The following PPP1CB variants were observed in gnomAD, a reference collection of about 807,000 sequenced individuals.
PPP1CB encodes serine/threonine-protein phosphatase PP1-beta catalytic subunit.
Under a neutral mutation model 43.7 loss-of-function variants are expected in PPP1CB, and 2 were observed. The ratio of observed to expected loss-of-function variants is 0.05; its 90% CI spans 0.02 to 0.14. The LOEUF is 0.14. Ranked by LOEUF, PPP1CB falls within the 10% of genes least tolerant of loss-of-function variation. The pLI is 1.00. For missense variants in PPP1CB, 84 were observed against 398.0 expected (o/e 0.21, Z 6.71); for synonymous variants, 136 against 135.6 (o/e 1.00, Z -0.02).
Position 28,783,842 on chromosome 2 carries a change from T to G in PPP1CB, c.521-65T>G, listed in dbSNP as rs796816444. 8.4e-6 allele frequency: 9 copies of G among 1,065,846 alleles called. No homozygotes were observed. In the African/African-American group the frequency reaches 9.5e-5, roughly 11 times the overall value. 66.0% of individuals were successfully genotyped at this position (1,065,846 alleles called of 1,614,324 possible). ...TCTATTTTGATTAAATGCTTTTTAT[T>G]CGGTGACTGTTAAAATATTAAAATT... is the stretch of plus-strand genomic sequence containing the variant. On this transcript the variant is annotated intron_variant, in intron 4 of 7. Coordinates refer to ENST00000395366, the MANE Select transcript of PPP1CB (RefSeq NM_002709.3).
chr2:28,776,648 T>C (rs1667050875), intron 1 of PPP1CB, among the ~76,000 whole-genome samples: 2 of 152,134 alleles, frequency 1.3e-5, no homozygotes, highest in South Asian at 4.1e-4. Flanking sequence ...AACAGCAGAC[T>C]TGAGGAGCAT....
intron 6 of PPP1CB, among the ~76,000 whole-genome samples, chr2:28,792,248 G>A (rs187219246): frequency 3.3e-5 from 5 of 152,048 alleles, no homozygotes; most frequent in Non-Finnish European, 5.9e-5. Flanking sequence ...GCTGAGGCAG[G>A]AGAATCGCTT....
At chr2:28,783,831 A>G (rs1667207068) in intron 4 of PPP1CB, 76 bp from the exon 5 acceptor site, 1 of 980,198 alleles carries the variant, frequency 1.0e-6, no homozygotes, top group Non-Finnish European at 1.6e-6. Context: ...TTTTGATTAA[A>G]TGCTTTTTAT....
chr2:28,786,108 A>G (rs1198251348), intron 5 of PPP1CB, among the ~76,000 whole-genome samples: 4 of 152,116 alleles, frequency 2.6e-5, no homozygotes, highest in African/African-American at 9.7e-5. Flanking sequence ...TAAACAATAA[A>G]TCTTGACTCT....
At chr2:28,752,486 G>A (rs1173541676) in intron 1 of PPP1CB, among the ~76,000 whole-genome samples, 2 of 152,324 alleles carry the variant, frequency 1.3e-5, no homozygotes, top group African/African-American at 4.8e-5. Flanking sequence ...AAGGCCGCCG[G>A]GCTCCGCGCG....
At chr2:28,764,313 A>C (rs2148459539) in intron 1 of PPP1CB, among the ~76,000 whole-genome samples, 1 of 151,990 alleles carries the variant, frequency 6.6e-6, no homozygotes, top group South Asian at 2.1e-4. Flanking sequence ...ACAAAAAATT[A>C]GCTGGGCATA....
intron 7 of PPP1CB, among the ~76,000 whole-genome samples, chr2:28,794,364 A>G (rs1013480091): frequency 1.7e-4 from 26 of 152,164 alleles, no homozygotes; most frequent in African/African-American, 6.3e-4. Context: ...AGACACTGGG[A>G]AAAGAATTAC....
intron 2 of PPP1CB, 48 bp from the exon 3 acceptor site, chr2:28,778,761 C>T: frequency 8.2e-7 from 1 of 1,223,554 alleles, no homozygotes; most frequent in South Asian, 1.2e-5. Context: ...ATAGAAGCTG[C>T]TTATAACAGT....
At chr2:28,753,184 C>A (rs1011639379) in intron 1 of PPP1CB, among the ~76,000 whole-genome samples, 3 of 146,252 alleles carry the variant, frequency 2.1e-5, no homozygotes, top group East Asian at 2.0e-4. Context: ...TGTAGAAAAG[C>A]CTTTAATCCT....
chr2:28,770,539 G>A (rs1209513072), intron 1 of PPP1CB, among the ~76,000 whole-genome samples: 1 of 151,906 alleles, frequency 6.6e-6, no homozygotes, highest in Non-Finnish European at 1.5e-5. Flanking sequence ...TAAATTTAAT[G>A]GAAAAATATC....
intron 7 of PPP1CB, among the ~76,000 whole-genome samples, chr2:28,798,828 G>A (rs1667549175): frequency 6.6e-6 from 1 of 151,936 alleles, no homozygotes; most frequent in South Asian, 2.1e-4. Flanking sequence ...AGGTCTGAAG[G>A]GTTTGTGACT....
intron 2 of PPP1CB, chr2:28,778,208 A>G (rs1667080993): frequency 5.5e-6 from 2 of 363,630 alleles, no homozygotes; most frequent in East Asian, 7.3e-5. Context: ...ATTTGTCTCC[A>G]TATTTGGTGT....
At chr2:28,798,270 A>G (rs1341643175) in intron 7 of PPP1CB, among the ~76,000 whole-genome samples, 1 of 152,126 alleles carries the variant, frequency 6.6e-6, no homozygotes, top group Admixed American at 6.6e-5. Context: ...AAGTTTTGGC[A>G]AGGATTTGGA....
At chr2:28,767,102 G>A (rs951706377) in intron 1 of PPP1CB, among the ~76,000 whole-genome samples, 4 of 151,290 alleles carry the variant, frequency 2.6e-5, no homozygotes, top group African/African-American at 9.7e-5. Context: ...AAAGTTTATT[G>A]TCTCAAAAAA....
chr2:28,751,803 G>C (rs1314292044), upstream of PPP1CB: 2 of 444,704 alleles, frequency 4.5e-6, no homozygotes, highest in African/African-American at 4.2e-5. Context: ...GCTGCGGGTG[G>C]GGCCGTCGGC....
At chr2:28,766,723 A>G (rs1434380058) in intron 1 of PPP1CB, among the ~76,000 whole-genome samples, 2 of 152,116 alleles carry the variant, frequency 1.3e-5, no homozygotes, top group African/African-American at 4.8e-5. Context: ...TTGTTTACTA[A>G]TTTTGCTCCC....
chr2:28,752,223 G>C, intron 1 of PPP1CB, 47 bp downstream of exon 1: 3 of 1,479,942 alleles, frequency 2.0e-6, no homozygotes, highest in Non-Finnish European at 2.7e-6. Context: ...GGGCACCGCC[G>C]CCGACCCCTG....
chr2:28,769,705 C>T (rs1272111109), intron 1 of PPP1CB, among the ~76,000 whole-genome samples: 23 of 151,782 alleles, frequency 1.5e-4, no homozygotes, highest in Admixed American at 1.5e-3. Flanking sequence ...TATGTGGAAA[C>T]AAAAATACGA....
chr2:28,762,274 G>GT (rs1471407283), intron 1 of PPP1CB, among the ~76,000 whole-genome samples: 1 of 142,246 alleles, frequency 7.0e-6, no homozygotes, highest in African/African-American at 2.5e-5. Flanking sequence ...GACAGAGTGA[G>GT]ACTGTGTCTC....
Sources: gnomAD v4.1 joint callset for allele counts (sites outside exome capture counted in the v4.1 genomes callset) on GRCh38, gnomAD v4.1.1 for gene constraint, MANE v1.5 for transcripts, NCBI Gene and HGNC (gene_info 2026-07-23, HGNC 2026-07-21) for gene names.